Variants in CAMTA1 observed in about 807,000 individuals in gnomAD.
CAMTA1 encodes the protein calmodulin-binding transcription activator 1.
CAMTA1 carries 27 observed loss-of-function variants against 170.9 expected under a neutral mutation model. That is an observed-to-expected ratio of 0.16 (90% confidence interval 0.12 to 0.22). CAMTA1 has a LOEUF of 0.22. Among genes scored for constraint, CAMTA1 ranks in the 10% least tolerant of loss-of-function variants. The pLI is 1.00. For synonymous variants in CAMTA1, 833 were observed against 891.5 expected (o/e 0.93, Z 1.17); for missense variants, 1,619 against 2,217.2 (o/e 0.73, Z 5.42).
At chr1:7,237,300 A>G (rs1317870496) in intron 4 of CAMTA1, among the ~76,000 whole-genome samples, 1 of 152,188 alleles carries the variant, frequency 6.6e-6, no homozygotes, top group Admixed American at 6.5e-5. Flanking sequence ...TTATTGCACA[A>G]AATCTGCTGC....
chr1:7,566,256 T>C lies in CAMTA1; in HGVS notation c.511-74144T>C, dbSNP rs111331628. Among the ~76,000 whole-genome samples, 432 of 152,282 alleles carry C rather than the reference T, an allele frequency of 2.8e-3. 2 individuals carry two copies. Among genetic ancestry groups the C allele is most frequent in the African/African-American group, 9.8e-3 (408 of 41,546 alleles). ...GCACTCACTGTCCCTCTCTAGACCT[T>C]TCTTTCCATTTATAAATGGCAAAGA... On this transcript the variant is annotated intron_variant, in intron 6 of 22. Transcript: ENST00000303635.
At chr1:7,157,162 T>C (rs540339352) in intron 4 of CAMTA1, among the ~76,000 whole-genome samples, 28 of 151,440 alleles carry the variant, frequency 1.8e-4, no homozygotes, top group Non-Finnish European at 3.5e-4. Context: ...GCTAACACGG[T>C]GAAACCCCAT....
At position 7,333,500 on chromosome 1, in the gene CAMTA1, C is replaced by T. The variant is rs966713461; in HGVS notation, c.438+83874C>T. On this transcript the variant is annotated intron_variant, in intron 5 of 22. Coordinates refer to ENST00000303635, the MANE Select transcript of CAMTA1 (RefSeq NM_015215.4). The surrounding 1 kb of genome is among the most constrained non-coding windows in gnomAD (Gnocchi z 4.4). Reference sequence around the variant, plus strand: ...ACTGGGAGATTTCCCGGCAGAGGTCCTACATTTCGGCAGTGAGAAATGTCA... The same window carrying T: ...ACTGGGAGATTTCCCGGCAGAGGTCTTACATTTCGGCAGTGAGAAATGTCA... 1.3e-5 allele frequency among the ~76,000 whole-genome samples: 2 copies of T among 152,184 alleles called. No individual in the cohort carries two copies. The highest frequency in any genetic ancestry group is 4.8e-5 in the African/African-American group (2 of 41,434).
intron 3 of CAMTA1, among the ~76,000 whole-genome samples, chr1:7,012,863 C>G (rs1700009417): frequency 6.6e-6 from 1 of 152,172 alleles, no homozygotes; most frequent in Admixed American, 6.5e-5. Flanking sequence ...GGCTGGACTT[C>G]CCGTCTGAGC....
intron 1 of CAMTA1, among the ~76,000 whole-genome samples, chr1:6,812,954 A>T (rs1406212368): frequency 6.6e-6 from 1 of 152,168 alleles, no homozygotes; most frequent in Non-Finnish European, 1.5e-5. Flanking sequence ...TGCCCCAATT[A>T]CCTTAGAGGT....
intron 7 of CAMTA1, among the ~76,000 whole-genome samples, chr1:7,653,957 G>A (rs964343200): frequency 6.6e-6 from 1 of 152,146 alleles, no homozygotes; most frequent in Non-Finnish European, 1.5e-5. Flanking sequence ...GAATTCCCAC[G>A]AGGGCCCCTT....
chr1:7,303,651 GAC>G (rs1050195466), intron 5 of CAMTA1, among the ~76,000 whole-genome samples: 9 of 152,140 alleles, frequency 5.9e-5, no homozygotes, highest in African/African-American at 1.9e-4. Flanking sequence ...AGCCCTTGTT[GAC>G]ACAGTCTAGA....
In CAMTA1 at chr1:7,251,515, G is replaced by A. The variant is rs759441493; in HGVS notation, c.438+1889G>A. The stretch of plus-strand genomic sequence containing the variant: ...ACGATGCTTGCTTTGGGTTCTCAGA[G>A]AGAGGCCACCTACTATGATGCATTA... On this transcript the variant is annotated intron_variant, in intron 5 of 22. Coordinates refer to ENST00000303635, the MANE Select transcript of CAMTA1 (RefSeq NM_015215.4). This position sits in a 1 kb window ranked among gnomAD's most constrained non-coding sequence, Gnocchi z 5.1. Among the ~76,000 whole-genome samples, 1 of 152,146 alleles carries A rather than the reference G, an allele frequency of 6.6e-6. No homozygotes were observed. The highest frequency in any genetic ancestry group is 1.5e-5 in the Non-Finnish European group (1 of 68,022).
intron 3 of CAMTA1, among the ~76,000 whole-genome samples, chr1:6,884,140 G>A (rs1042061219): frequency 1.3e-5 from 2 of 151,996 alleles, no homozygotes; most frequent in African/African-American, 2.4e-5. Flanking sequence ...AGGATTGGCC[G>A]TGTAGATCTA....
chr1:7,211,920 C>T (rs192527019), intron 4 of CAMTA1, among the ~76,000 whole-genome samples: 24 of 152,316 alleles, frequency 1.6e-4, no homozygotes, highest in African/African-American at 5.8e-4. Context: ...CAATTCTAGT[C>T]CAACATCACA....
At chr1:6,848,898 A>G (rs1659327058) in intron 3 of CAMTA1, among the ~76,000 whole-genome samples, 2 of 152,212 alleles carry the variant, frequency 1.3e-5, no homozygotes, top group South Asian at 4.1e-4. Context: ...ACAAAGAACT[A>G]TTTGGAAAGA....
chr1:7,511,496 T>A (rs1329991437), intron 6 of CAMTA1, among the ~76,000 whole-genome samples: 2 of 152,216 alleles, frequency 1.3e-5, no homozygotes, highest in Non-Finnish European at 2.9e-5. Context: ...CACAGGATCC[T>A]GGGGTGCCCA....
chr1:7,498,583 A>G (rs1426581547), intron 6 of CAMTA1, among the ~76,000 whole-genome samples: 1 of 151,950 alleles, frequency 6.6e-6, no homozygotes, highest in South Asian at 2.1e-4. Context: ...ATGCATGTGC[A>G]TGTGTGTGTA....
intron 3 of CAMTA1, among the ~76,000 whole-genome samples, chr1:7,066,753 C>T (rs1709015084): frequency 6.6e-6 from 1 of 152,236 alleles, no homozygotes; most frequent in African/African-American, 2.4e-5. Context: ...TCCCAAATGG[C>T]TGTGTTAGCC....
intron 1 of CAMTA1, among the ~76,000 whole-genome samples, chr1:6,810,882 T>C (rs589178): frequency 0.68 from 103,272 of 151,874 alleles, 35,535 homozygotes; most frequent in Admixed American, 0.76. Context: ...CGTAGAGGGG[T>C]GGTGACGGGA....
intron 12 of CAMTA1, among the ~76,000 whole-genome samples, chr1:7,734,541 CA>C (rs34500510): frequency 0.05 from 7,381 of 148,422 alleles, 309 homozygotes; most frequent in African/African-American, 0.12. Context: ...TTGTTTAATA[CA>C]AAAAAAAAAA....
intron 6 of CAMTA1, among the ~76,000 whole-genome samples, chr1:7,612,488 G>A (rs575051923): frequency 4.6e-5 from 7 of 152,292 alleles, no homozygotes; most frequent in Admixed American, 3.9e-4. Context: ...AGGAGGGCAC[G>A]GTGGGCTAAA....
chr1:7,074,884 T>G (rs947659111), intron 3 of CAMTA1, among the ~76,000 whole-genome samples: 2 of 152,226 alleles, frequency 1.3e-5, no homozygotes, highest in Non-Finnish European at 2.9e-5. Context: ...ACAGACACCC[T>G]TTAGCAGACA....
At chr1:7,277,800 T>C (rs975608225) in intron 5 of CAMTA1, among the ~76,000 whole-genome samples, 7 of 151,608 alleles carry the variant, frequency 4.6e-5, no homozygotes, top group African/African-American at 1.7e-4. Flanking sequence ...AAATAAGGGG[T>C]TATATCATAT....
Sources: allele counts gnomAD v4.1 joint callset (sites outside exome capture counted in the v4.1 genomes callset), GRCh38; gene constraint gnomAD v4.1.1; non-coding constraint Gnocchi (gnomAD v3.1); transcripts MANE v1.5; gene names NCBI Gene and HGNC (gene_info 2026-07-23, HGNC 2026-07-21).